IL1R1: variants seen among roughly 807,000 people sequenced by gnomAD.
IL1R1 encodes the protein interleukin 1 receptor type 1, also known as interleukin-1 receptor type 1.
In IL1R1, 22 loss-of-function variants were observed where a neutral mutation model predicts 50.2. The ratio of observed to expected loss-of-function variants is 0.44; its 90% CI spans 0.31 to 0.63. The LOEUF (loss-of-function observed/expected upper bound fraction) is 0.63. Among genes scored for constraint, IL1R1 ranks in the 20% least tolerant of loss-of-function variants. The probability of loss-of-function intolerance (pLI) is 0.07; values close to 1 mark genes in which losing one functional copy is unlikely to be tolerated. For missense variants in IL1R1, 509 were observed against 676.2 expected, an observed-to-expected ratio of 0.75 and a Z score of 2.74; for synonymous variants, 251 against 236.7, an observed-to-expected ratio of 1.06 and a Z score of -0.55.
chr2:102,088,919 C>T (rs183868770), intron 1 of IL1R1, among the ~76,000 whole-genome samples: 6 of 152,342 alleles, frequency 3.9e-5, no homozygotes, highest in Non-Finnish European at 7.3e-5. Context: ...AGGTTTCTCA[C>T]CTCTCTCAGC....
intron 1 of IL1R1, among the ~76,000 whole-genome samples, chr2:102,122,719 T>C (rs1681469263): frequency 6.6e-6 from 1 of 152,202 alleles, no homozygotes; most frequent in South Asian, 2.1e-4. Flanking sequence ...GGAATCATTC[T>C]TCATTTCTTG....
intron 1 of IL1R1, among the ~76,000 whole-genome samples, chr2:102,072,469 G>A (rs1678774745): frequency 6.6e-6 from 1 of 152,032 alleles, no homozygotes; most frequent in Admixed American, 6.5e-5. Context: ...TCACTTACTG[G>A]AATATTAGAA....
chr2:102,096,279 A>G (rs1005065945), intron 1 of IL1R1, among the ~76,000 whole-genome samples: 2 of 152,152 alleles, frequency 1.3e-5, no homozygotes, highest in African/African-American at 4.8e-5. Flanking sequence ...CTTTAGACAA[A>G]GTTTAAGCTG....
At chr2:102,130,328 C>T (rs1032555086) in intron 1 of IL1R1, among the ~76,000 whole-genome samples, 20 of 152,196 alleles carry the variant, frequency 1.3e-4, no homozygotes, top group African/African-American at 4.6e-4. Context: ...AGTATTCCCT[C>T]TCAGCTTCCT....
At chr2:102,085,525 ATGTAGGTG>A (rs1293976296) in intron 1 of IL1R1, among the ~76,000 whole-genome samples, 4 of 152,010 alleles carry the variant, frequency 2.6e-5, no homozygotes, top group Non-Finnish European at 5.9e-5. Context: ...TCAGGTAACT[ATGTAGGTG>A]TGTATGAGTC....
chr2:102,129,342 A>G (rs1311894355), intron 1 of IL1R1, among the ~76,000 whole-genome samples: 2 of 152,206 alleles, frequency 1.3e-5, no homozygotes, highest in African/African-American at 4.8e-5. Flanking sequence ...TAAACCATTC[A>G]TGGTTATAAG....
chr2:102,132,847 T>A (rs1682113273), intron 1 of IL1R1, among the ~76,000 whole-genome samples: 1 of 152,166 alleles, frequency 6.6e-6, no homozygotes. Context: ...TACTTTTAGA[T>A]GAAATAGATA....
At chr2:102,078,927 A>G (rs1039103823) in intron 1 of IL1R1, among the ~76,000 whole-genome samples, 1 of 152,178 alleles carries the variant, frequency 6.6e-6, no homozygotes, top group African/African-American at 2.4e-5. Context: ...ATGCAACATT[A>G]TTTCAACATC....
At chr2:102,128,907 A>G (rs193186520) in intron 1 of IL1R1, among the ~76,000 whole-genome samples, 2 of 152,300 alleles carry the variant, frequency 1.3e-5, no homozygotes, top group East Asian at 3.9e-4. Context: ...TGCTGTCTAC[A>G]AAACAAGAGT....
rs200984882 is a variant in IL1R1 at position 102,174,574 on chromosome 2, C to G, written c.992-13C>G. 2.7e-6 allele frequency: 4 copies of G among 1,477,530 alleles called. No individual in the cohort carries two copies. The highest frequency in any genetic ancestry group is 2.9e-5 in the South Asian group (2 of 70,138). 91.5% of individuals were successfully genotyped at this position (1,477,530 alleles called of 1,614,324 possible). A position where few individuals can be genotyped will look rare whatever the true frequency, so the allele number is the denominator to read the frequency against. On this transcript the variant is annotated splice_polypyrimidine_tract_variant and intron_variant, in intron 9 of 11. Transcript: ENST00000410023. Reference sequence around the variant, plus strand: ...CTAATATTTTTTCTCCTTTTTTTTTCTTTTTGCTATAGTCACTAATTTCCA... The same window carrying G: ...CTAATATTTTTTCTCCTTTTTTTTTGTTTTTGCTATAGTCACTAATTTCCA...
intron 2 of IL1R1, among the ~76,000 whole-genome samples, chr2:102,155,150 A>G (rs577817187): frequency 6.6e-6 from 1 of 152,358 alleles, no homozygotes; most frequent in Admixed American, 6.5e-5. Context: ...TTAACTGAAA[A>G]CATTTTATCA....
chr2:102,145,079 A>G (rs745756013), intron 1 of IL1R1, among the ~76,000 whole-genome samples: 3 of 152,238 alleles, frequency 2.0e-5, no homozygotes, highest in Non-Finnish European at 4.4e-5. Flanking sequence ...TGAAACTACC[A>G]TAGCATAGTG....
At chr2:102,132,785 T>G (rs1682110154) in intron 1 of IL1R1, among the ~76,000 whole-genome samples, 1 of 151,990 alleles carries the variant, frequency 6.6e-6, no homozygotes, top group African/African-American at 2.4e-5. Context: ...ACACCACAAA[T>G]AGTAAAAGAA....
At chr2:102,090,821 CTTAA>C (rs1386290409) in intron 1 of IL1R1, among the ~76,000 whole-genome samples, 2 of 151,734 alleles carry the variant, frequency 1.3e-5, no homozygotes, top group African/African-American at 4.8e-5. Context: ...GCTTTTTTCT[CTTAA>C]TTATTAGCCA....
At chr2:102,171,742 A>C (rs564981017) in intron 7 of IL1R1, 59 bp from the exon 8 acceptor site, 2 of 987,500 alleles carry the variant, frequency 2.0e-6, no homozygotes, top group African/African-American at 1.6e-5. Flanking sequence ...GCCATTTATT[A>C]ATCTAGATAG....
At chr2:102,161,251 T>C (rs541240887) in intron 3 of IL1R1, among the ~76,000 whole-genome samples, 2 of 152,308 alleles carry the variant, frequency 1.3e-5, no homozygotes, top group African/African-American at 4.8e-5. Context: ...TGGATATCTT[T>C]CTATTATTGA....
intron 1 of IL1R1, among the ~76,000 whole-genome samples, chr2:102,133,162 T>C (rs1029308076): frequency 1.9e-4 from 27 of 145,830 alleles, no homozygotes; most frequent in African/African-American, 6.2e-4. Flanking sequence ...GAGAATGGCA[T>C]GAACCCAGGA....
At chr2:102,170,978 T>C (rs1685618473) in intron 7 of IL1R1, among the ~76,000 whole-genome samples, 1 of 152,142 alleles carries the variant, frequency 6.6e-6, no homozygotes, top group South Asian at 2.1e-4. Flanking sequence ...TGAGAGTCAC[T>C]TGAACCCAGG....
At chr2:102,150,478 G>A (rs997348003) in intron 1 of IL1R1, among the ~76,000 whole-genome samples, 1 of 152,196 alleles carries the variant, frequency 6.6e-6, no homozygotes, top group Non-Finnish European at 1.5e-5. Context: ...ATTACTTTAT[G>A]CCTCAAATAT....
Sources: allele counts gnomAD v4.1 joint callset (sites outside exome capture counted in the v4.1 genomes callset), GRCh38; gene constraint gnomAD v4.1.1; transcripts MANE v1.5; gene names NCBI Gene and HGNC (gene_info 2026-07-23, HGNC 2026-07-21).